ANK2: variants seen among roughly 807,000 people sequenced by gnomAD.
ANK2 encodes the protein ankyrin-2.
Under a neutral mutation model 360.5 loss-of-function variants are expected in ANK2, and 83 were observed. That is an observed-to-expected ratio of 0.23 (90% CI 0.19 to 0.28). ANK2 has a LOEUF of 0.28. Ranked by LOEUF, ANK2 falls within the 10% of genes least tolerant of loss-of-function variation. The pLI, the probability that ANK2 is intolerant of heterozygous loss-of-function variation, is 1.00. For missense variants in ANK2, 4,201 were observed against 4,795.7 expected, an observed-to-expected ratio of 0.88 and a Z score of 3.66; for synonymous variants, 1,740 against 1,759.5, an observed-to-expected ratio of 0.99 and a Z score of 0.28.
At chr4:112,989,648 G>T (rs375520059) in intron 2 of ANK2, among the ~76,000 whole-genome samples, 1 of 152,156 alleles carries the variant, frequency 6.6e-6, no homozygotes, top group Non-Finnish European at 1.5e-5. Context: ...CAGCCTCATA[G>T]TGTATCTTGT....
chr4:113,132,998 A>G (rs1320286527), intron 1 of ANK2, among the ~76,000 whole-genome samples: 2 of 152,214 alleles, frequency 1.3e-5, no homozygotes, highest in South Asian at 2.1e-4. Context: ...AGGATGCACT[A>G]GAGTTTTGGT....
chr4:112,715,558 T>C, the ANK2 span, among the ~76,000 whole-genome samples: 2 of 152,228 alleles, frequency 1.3e-5, no homozygotes, highest in African/African-American at 4.8e-5. Flanking sequence ...TAAGAACTAG[T>C]TACAAACATT....
intron 2 of ANK2, among the ~76,000 whole-genome samples, chr4:113,027,708 A>G (rs13103796): frequency 0.56 from 84,934 of 151,920 alleles, 25,732 homozygotes; most frequent in Middle Eastern, 0.73. Context: ...CTGGCCTATT[A>G]TTTGCAGAAA....
intron 2 of ANK2, among the ~76,000 whole-genome samples, chr4:112,964,726 C>G (rs538285732): frequency 6.6e-6 from 1 of 151,988 alleles, no homozygotes; most frequent in Admixed American, 6.6e-5. Flanking sequence ...CCCGCCACCA[C>G]GCCTGGCTAA....
At chr4:112,851,670 C>G (rs972156515) in intron 1 of ANK2, among the ~76,000 whole-genome samples, 1 of 151,606 alleles carries the variant, frequency 6.6e-6, no homozygotes, top group Non-Finnish European at 1.5e-5. Flanking sequence ...GTCACCCAGG[C>G]TAGAGTGCAA....
chr4:112,967,780 T>G (rs2037891042), intron 2 of ANK2, among the ~76,000 whole-genome samples: 2 of 152,200 alleles, frequency 1.3e-5, no homozygotes, highest in Admixed American at 1.3e-4. Context: ...TGCAAAATTG[T>G]TAGTGTGGGT....
At chr4:113,081,061 A>G (rs1037713171) in intron 1 of ANK2, among the ~76,000 whole-genome samples, 9 of 152,206 alleles carry the variant, frequency 5.9e-5, no homozygotes, top group African/African-American at 1.7e-4. Flanking sequence ...TTACTTACAA[A>G]ATATGTATTA....
chr4:113,162,523 A>G (rs1266275653), intron 1 of ANK2, among the ~76,000 whole-genome samples: 1 of 152,130 alleles, frequency 6.6e-6, no homozygotes, highest in African/African-American at 2.4e-5. Context: ...TGCACTTGCT[A>G]TTCCCTGGGC....
In ANK2 at chr4:113,381,818, T is replaced by C; in HGVS notation, c.*347T>C. ...CATCCTCTTTAACTATAAAGCTAAT[T>C]TGTGACCAAAGATGGCATCCTTCAT... On this transcript the variant is annotated 3_prime_UTR_variant, in exon 46 of 46. Transcript: ENST00000357077. 1.8e-6 allele frequency: 1 copy of C among 548,768 alleles called. No homozygotes were observed. The highest frequency in any genetic ancestry group is 3.1e-6 in the Non-Finnish European group (1 of 325,980). The allele number at this position is 548,768 out of a possible 1,614,324, so 34.0% of individuals were successfully genotyped here. A position where few individuals can be genotyped will look rare whatever the true frequency, so the allele number is the denominator to read the frequency against.
intron 26 of ANK2, among the ~76,000 whole-genome samples, chr4:113,327,018 T>A (rs915970540): frequency 2.0e-5 from 3 of 152,120 alleles, no homozygotes. Context: ...AAAAAAAAAT[T>A]GTTTTTTCTC....
chr4:112,803,902 A>C, the ANK2 span, among the ~76,000 whole-genome samples: 1 of 152,242 alleles, frequency 6.6e-6, no homozygotes, highest in Non-Finnish European at 1.5e-5. Context: ...TAGACAGAGA[A>C]TAATATAATG....
chr4:112,809,377 C>A, the ANK2 span, among the ~76,000 whole-genome samples: 1 of 150,120 alleles, frequency 6.7e-6, no homozygotes, highest in Non-Finnish European at 1.5e-5. Context: ...CTGGCTAACA[C>A]GGTGAAACCC....
chr4:113,081,048 G>A (rs951718733), intron 1 of ANK2, among the ~76,000 whole-genome samples: 2 of 151,996 alleles, frequency 1.3e-5, no homozygotes, highest in Admixed American at 6.6e-5. Context: ...CTCTTCAAAG[G>A]CATTACTTAC....
chr4:112,844,591 A>T (rs928795612), intron 1 of ANK2, among the ~76,000 whole-genome samples: 5 of 152,248 alleles, frequency 3.3e-5, no homozygotes, highest in Non-Finnish European at 1.5e-5. Flanking sequence ...TTAAAGTTTA[A>T]GAAACTCACA....
the ANK2 span, among the ~76,000 whole-genome samples, chr4:112,710,923 A>G: frequency 5.1e-5 from 7 of 138,578 alleles, no homozygotes; most frequent in Admixed American, 3.6e-4. Flanking sequence ...ATATATATAT[A>G]TGTATATATG....
intron 2 of ANK2, among the ~76,000 whole-genome samples, chr4:113,008,516 A>G (rs1578909003): frequency 6.6e-6 from 1 of 152,212 alleles, no homozygotes; most frequent in East Asian, 1.9e-4. Flanking sequence ...AAATTAACAC[A>G]TGATAAATGA....
At chr4:112,982,257 CTAGT>C (rs2154272110) in intron 2 of ANK2, among the ~76,000 whole-genome samples, 1 of 152,012 alleles carries the variant, frequency 6.6e-6, no homozygotes, top group African/African-American at 2.4e-5. Context: ...AAAAATGGCT[CTAGT>C]TAGAGGTGAA....
At chr4:112,721,641 G>A in the ANK2 span, among the ~76,000 whole-genome samples, 2 of 151,776 alleles carry the variant, frequency 1.3e-5, no homozygotes, top group African/African-American at 2.4e-5. Flanking sequence ...AATTTGGAGT[G>A]TGGGAGAAGC....
intron 1 of ANK2, among the ~76,000 whole-genome samples, chr4:113,091,617 A>C (rs957847924): frequency 6.6e-6 from 1 of 152,248 alleles, no homozygotes; most frequent in Non-Finnish European, 1.5e-5. Flanking sequence ...TTTTAATAGC[A>C]GTAGCTAACG....
Sources: allele counts gnomAD v4.1 joint callset (sites outside exome capture counted in the v4.1 genomes callset), GRCh38; gene constraint gnomAD v4.1.1; transcripts MANE v1.5; gene names NCBI Gene and HGNC (gene_info 2026-07-23, HGNC 2026-07-21).